KCNMA1: variants seen among roughly 807,000 people sequenced by gnomAD.
The protein encoded by KCNMA1 is Calcium-activated potassium channel subunit alpha-1.
Under a neutral mutation model 140.0 loss-of-function variants are expected in KCNMA1, and 29 were observed. That is an observed-to-expected ratio of 0.21 (90% CI 0.15 to 0.28). The LOEUF is 0.28. KCNMA1 is among the 10% of genes least tolerant of loss of function. The pLI is 1.00. For missense variants in KCNMA1, 880 were observed against 1,602.2 expected (o/e 0.55, Z 7.70); for synonymous variants, 612 against 611.9 (o/e 1.00, Z 0.00).
intron 14 of KCNMA1, among the ~76,000 whole-genome samples, chr10:77,042,869 T>C (rs1254643264): frequency 6.6e-6 from 1 of 152,240 alleles, no homozygotes; most frequent in Non-Finnish European, 1.5e-5. Flanking sequence ...TCAGCAAATA[T>C]TGACTGCATA....
In KCNMA1 at chr10:76,995,235, C is replaced by T. The variant is rs540256265; in HGVS notation, c.2266+6172G>A. 1.4e-3 allele frequency: 232 copies of T among 163,312 alleles called. 1 individual carries two copies. Among genetic ancestry groups the T allele is most frequent in the African/African-American group, 5.4e-3 (225 of 41,744 alleles). The allele number at this position is 163,312 out of a possible 1,614,324, so 10.1% of individuals were successfully genotyped here. ...TTAAATGCAACTTCGACTTAATTAA[C>T]GTTTTAAATGATAATGAATACAATG... is the stretch of plus-strand genomic sequence containing the variant. On this transcript the variant is annotated intron_variant, in intron 19 of 27. Transcript: ENST00000286628.
chr10:77,164,669 G>A (rs2098615163), intron 5 of KCNMA1, among the ~76,000 whole-genome samples: 1 of 152,052 alleles, frequency 6.6e-6, no homozygotes, highest in Non-Finnish European at 1.5e-5. Context: ...AAGCACATTT[G>A]CACCCATGGA....
At chr10:76,906,697 T>A (rs1182238665) in intron 25 of KCNMA1, among the ~76,000 whole-genome samples, 1 of 152,224 alleles carries the variant, frequency 6.6e-6, no homozygotes, top group Non-Finnish European at 1.5e-5. Context: ...CTCCTGCTGT[T>A]TGGAGGAGTC....
chr10:76,923,943 T>C (rs2056854081), intron 23 of KCNMA1, among the ~76,000 whole-genome samples: 1 of 152,146 alleles, frequency 6.6e-6, no homozygotes, highest in Admixed American at 6.5e-5. Context: ...AGGCAGAGGT[T>C]GCAGTGAGCC....
chr10:77,412,184 T>C (rs1566675384), intron 1 of KCNMA1, among the ~76,000 whole-genome samples: 1 of 152,176 alleles, frequency 6.6e-6, no homozygotes, highest in Non-Finnish European at 1.5e-5. Flanking sequence ...AACCATGGGA[T>C]AGTCCCAGGA....
intron 3 of KCNMA1, among the ~76,000 whole-genome samples, chr10:77,234,988 C>G (rs1033855331): frequency 1.1e-4 from 16 of 152,216 alleles, no homozygotes; most frequent in Admixed American, 6.5e-5. Context: ...GTTCTTTCCA[C>G]TGTTCTCCTT....
chr10:77,495,590 C>T (rs941666251), intron 1 of KCNMA1, among the ~76,000 whole-genome samples: 1 of 152,234 alleles, frequency 6.6e-6, no homozygotes, highest in Non-Finnish European at 1.5e-5. Flanking sequence ...AAAAAACGAA[C>T]TCTCCATGCA....
intron 1 of KCNMA1, among the ~76,000 whole-genome samples, chr10:77,565,562 C>A (rs2067971129): frequency 6.6e-6 from 1 of 152,172 alleles, no homozygotes. Context: ...TGGGCAGCCT[C>A]GGTTCCAGGG....
At chr10:76,873,602 C>A (rs963162108), downstream of KCNMA1, 1 of 152,156 alleles carries the variant, frequency 6.6e-6, no homozygotes, top group Non-Finnish European at 1.5e-5. Flanking sequence ...CCAAAAGCAG[C>A]AAGTAAGAAC....
chr10:77,502,875 A>C (rs1172260293), intron 1 of KCNMA1, among the ~76,000 whole-genome samples: 1 of 152,208 alleles, frequency 6.6e-6, no homozygotes, highest in Non-Finnish European at 1.5e-5. Flanking sequence ...CTATAATAAA[A>C]CTGATAATGA....
intron 16 of KCNMA1, chr10:77,023,058 A>G (rs938708152): frequency 1.3e-5 from 5 of 388,892 alleles, no homozygotes; most frequent in African/African-American, 1.0e-4. Flanking sequence ...CCGCAGGGAA[A>G]TGCCTCTATC....
chr10:77,048,316 A>G (rs2095200659), intron 14 of KCNMA1, among the ~76,000 whole-genome samples: 1 of 152,188 alleles, frequency 6.6e-6, no homozygotes, highest in Non-Finnish European at 1.5e-5. Context: ...GTCCCCATCT[A>G]TGGACCATGG....
intron 2 of KCNMA1, among the ~76,000 whole-genome samples, chr10:77,400,309 A>G (rs2096221796): frequency 6.6e-6 from 1 of 152,196 alleles, no homozygotes; most frequent in East Asian, 1.9e-4. Flanking sequence ...CTTGCTCTGC[A>G]TGGCCCCAAC....
At chr10:76,983,204 C>T (rs1170292129) in intron 19 of KCNMA1, among the ~76,000 whole-genome samples, 1 of 152,184 alleles carries the variant, frequency 6.6e-6, no homozygotes, top group Non-Finnish European at 1.5e-5. Context: ...AAAATGTTTC[C>T]CCAATCCTCT....
intron 2 of KCNMA1, among the ~76,000 whole-genome samples, chr10:77,361,401 C>T (rs1057481539): frequency 4.6e-5 from 7 of 152,158 alleles, no homozygotes; most frequent in East Asian, 1.9e-4. Flanking sequence ...CAGTGCTGGG[C>T]GCCCAAACAG....
At chr10:77,006,825 C>T (rs1015539208) in intron 18 of KCNMA1, among the ~76,000 whole-genome samples, 1 of 152,168 alleles carries the variant, frequency 6.6e-6, no homozygotes, top group African/African-American at 2.4e-5. Flanking sequence ...GGGCCATGCC[C>T]TCAAGCCATG....
At chr10:77,025,334 A>G (rs1372433323) in intron 16 of KCNMA1, 1 of 654,602 alleles carries the variant, frequency 1.5e-6, no homozygotes, top group Non-Finnish European at 2.6e-6. Context: ...GAGATTATAT[A>G]TACATATATA....
At chr10:76,965,706 T>C (rs543157626) in intron 20 of KCNMA1, among the ~76,000 whole-genome samples, 1 of 152,286 alleles carries the variant, frequency 6.6e-6, no homozygotes, top group Admixed American at 6.5e-5. Context: ...TACCTAGATT[T>C]ACCAGACTTT....
chr10:77,283,726 G>T (rs1376667986), intron 2 of KCNMA1, among the ~76,000 whole-genome samples: 4 of 152,214 alleles, frequency 2.6e-5, no homozygotes, highest in African/African-American at 9.6e-5. Context: ...TGCTGGGATA[G>T]AACTGAGACA....
Sources: allele counts gnomAD v4.1 joint callset (sites outside exome capture counted in the v4.1 genomes callset), GRCh38; gene constraint gnomAD v4.1.1; transcripts MANE v1.5; gene names NCBI Gene and HGNC (gene_info 2026-07-23, HGNC 2026-07-21).